PRKN: variants seen among roughly 807,000 people sequenced by gnomAD.
The protein encoded by PRKN is E3 ubiquitin-protein ligase parkin.
A neutral mutation model predicts 59.5 loss-of-function variants in PRKN; 56 were observed. That is an observed-to-expected ratio of 0.94 (90% confidence interval 0.76 to 1.18). The LOEUF (loss-of-function observed/expected upper bound fraction) is 1.18. Ranked by LOEUF, PRKN falls within the 50% of genes most tolerant of loss-of-function variation. The probability of loss-of-function intolerance (pLI) is 0.00; values close to 1 mark genes in which losing one functional copy is unlikely to be tolerated. For synonymous variants in PRKN, 250 were observed against 222.1 expected (o/e 1.13, Z -1.12); for missense variants, 657 against 596.4 (o/e 1.10, Z -1.06).
At chr6:162,003,037 T>G (rs189483791) in intron 5 of PRKN, among the ~76,000 whole-genome samples, 74 of 152,186 alleles carry the variant, frequency 4.9e-4, no homozygotes, top group Non-Finnish European at 7.2e-4. Flanking sequence ...CCCAGAATGT[T>G]CTGTGTCCTG....
rs1783323259 is a variant in PRKN, at chr6:161,631,786, C to CAG, written c.872-62371_872-62370insCT. On this transcript the variant is annotated intron_variant, in intron 7 of 11. Coordinates refer to ENST00000366898, the MANE Select transcript of PRKN (RefSeq NM_004562.3). Reference sequence around the variant, plus strand: ...ACACCCAGACAAACACACACACACACACACACACCCCACACACACACATTC... The same window carrying CAG: ...ACACCCAGACAAACACACACACACACAGACACACACCCCACACACACACATTC... 2.0e-5 allele frequency among the ~76,000 whole-genome samples: 3 copies of CAG among 150,274 alleles called. No homozygotes were observed. The South Asian group carries it at 6.3e-4, about 32-fold the overall frequency.
At chr6:161,752,175 T>G (rs1404457742) in intron 7 of PRKN, among the ~76,000 whole-genome samples, 6 of 151,998 alleles carry the variant, frequency 3.9e-5, no homozygotes, top group Admixed American at 2.0e-4. Context: ...ATCGAGACCA[T>G]CCTGGCCAAC....
chr6:161,907,638 G>A (rs748203527), intron 6 of PRKN, among the ~76,000 whole-genome samples: 8 of 152,126 alleles, frequency 5.3e-5, no homozygotes, highest in Non-Finnish European at 7.3e-5. Flanking sequence ...AAAATAGCAG[G>A]AGAAGTGTAA....
At chr6:162,442,484 A>T (rs767986002) in intron 2 of PRKN, among the ~76,000 whole-genome samples, 2 of 152,180 alleles carry the variant, frequency 1.3e-5, no homozygotes, top group Non-Finnish European at 2.9e-5. Context: ...GAGTTTCCCC[A>T]ACAAAGGACG....
chr6:161,912,004 A>T (rs1778379114), intron 6 of PRKN, among the ~76,000 whole-genome samples: 2 of 151,682 alleles, frequency 1.3e-5, no homozygotes, highest in South Asian at 4.2e-4. Context: ...ATGGTGAAAC[A>T]CCGTCTCTAC....
At position 162,204,709 on chromosome 6, in the gene PRKN, G is replaced by GTT. The variant is rs141650101; in HGVS notation, c.413-3459_413-3458dup. Among the ~76,000 whole-genome samples, 218 of 125,944 alleles carry GTT rather than the reference G, an allele frequency of 1.7e-3. 2 individuals are homozygous for GTT. The highest frequency in any genetic ancestry group is 8.3e-3 in the South Asian group (36 of 4,350). 82.6% of individuals were successfully genotyped at this position (125,944 alleles called of 152,430 possible). On this transcript the variant is annotated intron_variant, in intron 3 of 11. Transcript: ENST00000366898. ...TAAAGTATGTTAATTTTATTCAGAA[G>GTT]TTTTGTTTTTTTTTTTTCCTGCAGA...
In PRKN at chr6:161,498,564, C is replaced by T. The variant is rs1045093536; in HGVS notation, c.1083+50290G>A. ...GCCAATGAAATGTGGGTGGCAATGA[C>T]ATGTGTAACTTGAGGCCAGAGCCTT... On this transcript the variant is annotated intron_variant, in intron 9 of 11. Transcript: ENST00000366898. This position sits in a 1 kb window ranked among gnomAD's most constrained non-coding sequence, Gnocchi z 4.2. 2.0e-5 allele frequency among the ~76,000 whole-genome samples: 3 copies of T among 152,146 alleles called. No individual in the cohort carries two copies. Among genetic ancestry groups the T allele is most frequent in the Non-Finnish European group, 4.4e-5 (3 of 68,038 alleles).
At chr6:161,814,729 C>T (rs1461686025) in intron 6 of PRKN, among the ~76,000 whole-genome samples, 8 of 152,096 alleles carry the variant, frequency 5.3e-5, no homozygotes, top group East Asian at 1.9e-4. Context: ...CTCGAACTCC[C>T]GACCTCAGGT....
chr6:161,770,876 A>AAAT (rs1789644097), intron 7 of PRKN, among the ~76,000 whole-genome samples: 1 of 152,084 alleles, frequency 6.6e-6, no homozygotes. Context: ...CACAGAGGGA[A>AAAT]AATAGACCAC....
Position 162,395,779 on chromosome 6 carries a change from C to T in PRKN, c.171+47531G>A, listed in dbSNP as rs73033868. Among the ~76,000 whole-genome samples, 778 of 152,268 alleles carry T rather than the reference C, an allele frequency of 5.1e-3. 5 individuals carry two copies. The highest frequency in any genetic ancestry group is 0.02 in the South Asian group (97 of 4,826). On this transcript the variant is annotated intron_variant, in intron 2 of 11. Transcript: ENST00000366898. The stretch of plus-strand genomic sequence containing the variant: ...GTTTAGCAGTTTGAATTTCAAGGTG[C>T]ATATGCTTTAAAATAAAGGGCTGGC...
Position 161,686,263 on chromosome 6 carries a change from C to G in PRKN, c.871+99509G>C, listed in dbSNP as rs376367150. Among the ~76,000 whole-genome samples the G allele has an allele frequency of 4.6e-5, 7 of 152,218 alleles. No individual in the cohort carries two copies. The East Asian group carries it at 5.8e-4, about 13-fold the overall frequency. On this transcript the variant is annotated intron_variant, in intron 7 of 11. Coordinates refer to ENST00000366898, the MANE Select transcript of PRKN (RefSeq NM_004562.3). ...TTTTTATAAGTGGATGCCTAGAGCA[C>G]TTGGTGGGATTTCAGCAATACTTTC...
chr6:161,580,362 T>C (rs1026416534), intron 7 of PRKN, among the ~76,000 whole-genome samples: 1 of 152,216 alleles, frequency 6.6e-6, no homozygotes, highest in Non-Finnish European at 1.5e-5. Flanking sequence ...TGAGCCTTGG[T>C]ATGCGGCTCA....
In PRKN at chr6:161,446,457, C is replaced by A. The variant is rs971457092; in HGVS notation, c.1084-59580G>T. ...GAAAGGCCCTCCCCGCTACCAGATG[C>A]AGACTCTGGTGCCCTGAAGCCTGGC... On this transcript the variant is annotated intron_variant, in intron 9 of 11. Coordinates refer to ENST00000366898, the MANE Select transcript of PRKN (RefSeq NM_004562.3). The surrounding 1 kb of genome is among the most constrained non-coding windows in gnomAD (Gnocchi z 6.2). Among the ~76,000 whole-genome samples the A allele has an allele frequency of 6.6e-6, 1 of 152,114 alleles. No individual in the cohort carries two copies. The highest frequency in any genetic ancestry group is 2.4e-5 in the African/African-American group (1 of 41,438).
intron 1 of PRKN, among the ~76,000 whole-genome samples, chr6:162,552,286 G>A (rs958662319): frequency 6.6e-6 from 1 of 152,090 alleles, no homozygotes; most frequent in Non-Finnish European, 1.5e-5. Context: ...CAATGTAGGG[G>A]GAAAAAACGG....
chr6:162,378,108 TG>T (rs760362248), intron 2 of PRKN, among the ~76,000 whole-genome samples: 3 of 152,180 alleles, frequency 2.0e-5, no homozygotes, highest in Non-Finnish European at 4.4e-5. Context: ...GGTTTACAAA[TG>T]TAAGGTAAGA....
At chr6:162,269,071 G>T (rs1403095345) in intron 2 of PRKN, among the ~76,000 whole-genome samples, 1 of 152,178 alleles carries the variant, frequency 6.6e-6, no homozygotes, top group Admixed American at 6.5e-5. Context: ...TATGGAAAGT[G>T]AAAAGAAGAT....
Position 161,581,575 on chromosome 6 carries a change from G to T in PRKN, c.872-12159C>A, listed in dbSNP as rs1371632960. 6.6e-6 allele frequency among the ~76,000 whole-genome samples: 1 copy of T among 152,206 alleles called. No homozygotes were observed. Among genetic ancestry groups the T allele is most frequent in the Non-Finnish European group, 1.5e-5 (1 of 68,044 alleles). On this transcript the variant is annotated intron_variant, in intron 7 of 11. Coordinates refer to ENST00000366898, the MANE Select transcript of PRKN (RefSeq NM_004562.3). This position sits in a 1 kb window ranked among gnomAD's most constrained non-coding sequence, Gnocchi z 4.5. ...TGAGGTTTGAGTCACTGGACAATCA[G>T]AAGCAAAGACTTACTTATGGACAAG...
intron 1 of PRKN, among the ~76,000 whole-genome samples, chr6:162,642,177 C>A (rs943534831): frequency 2.6e-5 from 4 of 152,138 alleles, no homozygotes; most frequent in Non-Finnish European, 5.9e-5. Context: ...TAACTGAGAA[C>A]TGTCATAGAC....
intron 4 of PRKN, among the ~76,000 whole-genome samples, chr6:162,155,349 A>T (rs1430348798): frequency 6.6e-6 from 1 of 152,190 alleles, no homozygotes; most frequent in Non-Finnish European, 1.5e-5. Context: ...GTCAAGGGCA[A>T]ATTAATCCTG....
Sources: allele counts gnomAD v4.1 joint callset (sites outside exome capture counted in the v4.1 genomes callset), GRCh38; gene constraint gnomAD v4.1.1; non-coding constraint Gnocchi (gnomAD v3.1); transcripts MANE v1.5; gene names NCBI Gene and HGNC (gene_info 2026-07-23, HGNC 2026-07-21).